CFAP53: variants seen among roughly 807,000 people sequenced by gnomAD.
The protein encoded by CFAP53 is cilia- and flagella-associated protein 53.
CFAP53 carries 62 observed loss-of-function variants against 59.7 expected under a neutral mutation model. The ratio of observed to expected loss-of-function variants is 1.04; its 90% CI spans 0.85 to 1.28. The LOEUF (loss-of-function observed/expected upper bound fraction) is 1.28, where lower values mean the gene tolerates loss of function less well. Among genes scored for constraint, CFAP53 ranks in the 50% most tolerant of loss-of-function variants. The pLI is 0.00. For missense variants in CFAP53, 629 were observed against 615.6 expected (o/e 1.02, Z -0.23); for synonymous variants, 218 against 205.7 (o/e 1.06, Z -0.51).
In CFAP53 at chr18:50,234,682, A is replaced by G. The variant is rs555191632; in HGVS notation, c.1316+3921T>C. Among the ~76,000 whole-genome samples the G allele has an allele frequency of 5.3e-5, 8 of 152,336 alleles. No individual in the cohort carries two copies. The South Asian group carries it at 1.7e-3, about 32-fold the overall frequency. ...ATAGTTGCAGCAATACCTGGAGTAC[A>G]TATATATAACTCCTTAGACTTTATA... On this transcript the variant is annotated intron_variant, in intron 7 of 7. Transcript: ENST00000398545.
At chr18:50,238,038 A>G (rs2033654878) in intron 7 of CFAP53, among the ~76,000 whole-genome samples, 1 of 152,194 alleles carries the variant, frequency 6.6e-6, no homozygotes, top group South Asian at 2.1e-4. Context: ...AATTTATTTT[A>G]TTTTTAAAGA....
intron 3 of CFAP53, among the ~76,000 whole-genome samples, chr18:50,252,336 T>A (rs1019595656): frequency 6.6e-6 from 1 of 152,022 alleles, no homozygotes; most frequent in Admixed American, 6.6e-5. Context: ...GATCTCCTGA[T>A]CTTGTGATCC....
rs180764852 is a variant in CFAP53, at chr18:50,232,442, C to T, written c.1317-4833G>A. 3.3e-5 allele frequency among the ~76,000 whole-genome samples: 5 copies of T among 152,234 alleles called. No individual in the cohort carries two copies. In the East Asian group the frequency reaches 9.7e-4, roughly 29 times the overall value. The stretch of plus-strand genomic sequence containing the variant: ...CTCAACTGTTGGCTGCTTTACAAGC[C>T]CCAGCCCCTCCAGGTTTCCCTAAAA... On this transcript the variant is annotated intron_variant, in intron 7 of 7. Transcript: ENST00000398545.
chr18:50,253,363 T>C (rs35624439), intron 3 of CFAP53, among the ~76,000 whole-genome samples: 99,886 of 152,124 alleles, frequency 0.66, 33,127 homozygotes, highest in East Asian at 0.79. Flanking sequence ...GACAGAATAT[T>C]TATTTATTCT....
At chr18:50,252,852 A>G (rs1041268131) in intron 3 of CFAP53, among the ~76,000 whole-genome samples, 4 of 152,194 alleles carry the variant, frequency 2.6e-5, no homozygotes, top group African/African-American at 9.6e-5. Flanking sequence ...TGTCTCTACA[A>G]AAGTTTTTAA....
intron 7 of CFAP53, among the ~76,000 whole-genome samples, chr18:50,234,692 C>T (rs1425031631): frequency 2.6e-5 from 4 of 152,230 alleles, no homozygotes; most frequent in Admixed American, 6.5e-5. Flanking sequence ...ATATATATAA[C>T]TCCTTAGACT....
At chr18:50,247,681 A>G (rs1000254892) in intron 5 of CFAP53, among the ~76,000 whole-genome samples, 2 of 152,242 alleles carry the variant, frequency 1.3e-5, no homozygotes, top group African/African-American at 4.8e-5. Context: ...TCTTGAAAAC[A>G]TTATGCTAAG....
intron 3 of CFAP53, among the ~76,000 whole-genome samples, chr18:50,253,670 T>A (rs1343905366): frequency 2.0e-5 from 3 of 152,240 alleles, no homozygotes; most frequent in Non-Finnish European, 2.9e-5. Flanking sequence ...TTTATTGTCC[T>A]TGGTTTACAG....
In CFAP53 at chr18:50,251,718, C is replaced by T. The variant is rs1283117766; in HGVS notation, c.540G>A (p.Arg180=). 6.2e-7 allele frequency: 1 copy of T among 1,614,120 alleles called. No homozygotes were observed. Among genetic ancestry groups the T allele is most frequent in the Non-Finnish European group, 8.5e-7 (1 of 1,180,044 alleles). ...CCTCATTAAATGCAATCTGTGCTTT[C>T]CGCTCCTCACACACCTTCTTCTGAT... The part of the protein sequence containing the change: ...SIHQKKVCEE[R]KAQIAFNEEL... The change falls in exon 4 of 8, where the codon CGG becomes CGA. Residue 180 remains arginine, a synonymous_variant. Transcript: ENST00000398545.
rs201612993 is a variant in CFAP53, at chr18:50,242,987, C to T, written c.1126G>A (p.Asp376Asn). 1.9e-5 allele frequency: 30 copies of T among 1,614,082 alleles called. No homozygotes were observed. In the African/African-American group the frequency reaches 3.9e-4, roughly 21 times the overall value. Reference protein sequence around the residue: ...EDKAKKLAEKDKELRLEKEAR... With the variant: ...EDKAKKLAEKNKELRLEKEAR... The stretch of plus-strand genomic sequence containing the variant: ...TCCTTTTCAAGTCTCAGCTCCTTGT[C>T]CTTCTCAGCCAACTTCTTTGCCTTG... Residue 376 changes from aspartate to asparagine, a missense_variant, in exon 6 of 8, where the codon GAC becomes AAC. By Grantham distance (23) the Asp-to-Asn change is conservative. Coordinates refer to ENST00000398545, the MANE Select transcript of CFAP53 (RefSeq NM_145020.5).
intron 5 of CFAP53, among the ~76,000 whole-genome samples, chr18:50,245,248 G>T (rs2033732475): frequency 6.6e-6 from 1 of 151,148 alleles, no homozygotes; most frequent in Admixed American, 6.6e-5. Flanking sequence ...CAGGCGCGGT[G>T]GTGGGCGCCT....
intron 7 of CFAP53, among the ~76,000 whole-genome samples, chr18:50,233,638 T>A (rs1457979228): frequency 6.6e-6 from 1 of 152,266 alleles, no homozygotes; most frequent in Non-Finnish European, 1.5e-5. Context: ...TCATTTTCCT[T>A]AAAAATGGCT....
chr18:50,241,395 C>T (rs895973601), intron 6 of CFAP53, among the ~76,000 whole-genome samples: 6 of 152,024 alleles, frequency 3.9e-5, no homozygotes, highest in East Asian at 3.9e-4. Flanking sequence ...CACAGAGGGC[C>T]GCTCAAGGCA....
intron 7 of CFAP53, among the ~76,000 whole-genome samples, chr18:50,231,160 G>C (rs933244762): frequency 4.6e-5 from 7 of 152,170 alleles, no homozygotes; most frequent in African/African-American, 1.7e-4. Context: ...CTGCTACCTT[G>C]GTGTTATCAA....
At chr18:50,245,014 G>T (rs2033729197) in intron 5 of CFAP53, among the ~76,000 whole-genome samples, 1 of 130,520 alleles carries the variant, frequency 7.7e-6, no homozygotes, top group African/African-American at 2.9e-5. Flanking sequence ...AGTGAGCCAA[G>T]AACATGCCAC....
chr18:50,239,974 CT>C (rs1245804185), intron 6 of CFAP53, among the ~76,000 whole-genome samples: 1 of 152,174 alleles, frequency 6.6e-6, no homozygotes, highest in African/African-American at 2.4e-5. Flanking sequence ...CTAAATTTAT[CT>C]TCAAAGAATC....
chr18:50,259,199 C>T (rs900335690), intron 3 of CFAP53, among the ~76,000 whole-genome samples: 1 of 152,130 alleles, frequency 6.6e-6, no homozygotes, highest in South Asian at 2.1e-4. Context: ...TGGAAGCAAC[C>T]TAAGTGTCCA....
chr18:50,242,398 T>C (rs1247582920), intron 6 of CFAP53, among the ~76,000 whole-genome samples: 3 of 152,214 alleles, frequency 2.0e-5, no homozygotes, highest in Non-Finnish European at 4.4e-5. Context: ...TCACAATTTA[T>C]GTTCAGAGAT....
rs896624902 is a variant in CFAP53 at position 50,251,747 on chromosome 18, T to C, written c.511A>G (p.Ile171Val). The change falls in exon 4 of 8, where the codon ATC (isoleucine) becomes GTC (valine). Residue 171 changes from isoleucine (I) to valine (V), a missense_variant. Ile to Val is a conservative substitution (Grantham distance 29, BLOSUM62 3). Transcript: ENST00000398545. ...TCCTCACACACCTTCTTCTGATGGA[T>C]AGATAACAATTCAACACGGAGCTCC... ...CEELRVELLS[I>V]HQKKVCEERK... is the part of the protein sequence containing the mutation. The C allele has an allele frequency of 1.2e-6, 2 of 1,614,090 alleles. No individual in the cohort carries two copies. Among genetic ancestry groups the C allele is most frequent in the Admixed American group, 1.7e-5 (1 of 59,994 alleles).
Sources: gnomAD v4.1 joint callset for allele counts (sites outside exome capture counted in the v4.1 genomes callset) on GRCh38, gnomAD v4.1.1 for gene constraint, MANE v1.5 for transcripts, NCBI Gene and HGNC (gene_info 2026-07-23, HGNC 2026-07-21) for gene names.